The following HSD17B2 variants were observed in gnomAD, a reference collection of about 807,000 sequenced individuals.
HSD17B2 encodes the protein hydroxysteroid 17-beta dehydrogenase 2.
A neutral mutation model predicts 26.9 loss-of-function variants in HSD17B2; 32 were observed. The observed-to-expected ratio is 1.19, with a 90% CI of 0.90 to 1.60. HSD17B2 has a LOEUF of 1.60. Ranked by LOEUF, HSD17B2 falls within the 40% of genes most tolerant of loss-of-function variation. HSD17B2 has a pLI of 0.00. For missense variants in HSD17B2, 613 were observed against 468.6 expected (o/e 1.31, Z -2.85); for synonymous variants, 246 against 186.7 (o/e 1.32, Z -2.59).
chr16:82,067,279 T>C (rs1914593473), intron 1 of HSD17B2, among the ~76,000 whole-genome samples: 1 of 152,228 alleles, frequency 6.6e-6, no homozygotes, highest in African/African-American at 2.4e-5. Context: ...CAATGTGAAA[T>C]ACTTTCTTAT....
At chr16:82,056,165 C>T (rs559993027) in intron 1 of HSD17B2, among the ~76,000 whole-genome samples, 34 of 152,124 alleles carry the variant, frequency 2.2e-4, no homozygotes, top group Non-Finnish European at 4.7e-4. Flanking sequence ...AGCCAGGAAG[C>T]ATCTTTCCCA....
chr16:82,059,475 C>T (rs193038362), intron 1 of HSD17B2, among the ~76,000 whole-genome samples: 50 of 152,264 alleles, frequency 3.3e-4, no homozygotes, highest in African/African-American at 1.0e-3. Context: ...CAGTGGATAC[C>T]GACCCCTATC....
At chr16:82,091,279 GA>G (rs1166658766) in intron 4 of HSD17B2, 16 of 541,496 alleles carry the variant, frequency 3.0e-5, no homozygotes, top group African/African-American at 2.7e-4. Flanking sequence ...AAACCAGGGA[GA>G]GGGGAAAGCA....
chr16:82,097,835 G>A (rs188850351), intron 4 of HSD17B2: 5 of 306,020 alleles, frequency 1.6e-5, no homozygotes, highest in African/African-American at 6.5e-5. Flanking sequence ...CTACTCGGGA[G>A]GCTGAGGCAA....
At chr16:82,041,560 G>C (rs909994387) in intron 1 of HSD17B2, among the ~76,000 whole-genome samples, 17 of 152,240 alleles carry the variant, frequency 1.1e-4, no homozygotes, top group African/African-American at 4.1e-4. Flanking sequence ...GCTTCCACCA[G>C]TCTGCTGAAA....
intron 1 of HSD17B2, among the ~76,000 whole-genome samples, chr16:82,064,086 G>C (rs1385041079): frequency 6.6e-6 from 1 of 152,190 alleles, no homozygotes; most frequent in Non-Finnish European, 1.5e-5. Flanking sequence ...CAGTATCACA[G>C]GGCTTGCCTA....
At chr16:82,093,991 G>C (rs1041213172) in intron 4 of HSD17B2, 4 of 152,202 alleles carry the variant, frequency 2.6e-5, no homozygotes, top group African/African-American at 4.8e-5. Context: ...GCATGCTAAT[G>C]CATTATAAGT....
chr16:82,074,877 A>T (rs1274961708), intron 3 of HSD17B2, among the ~76,000 whole-genome samples: 1 of 152,234 alleles, frequency 6.6e-6, no homozygotes. Flanking sequence ...AGAACACTTC[A>T]TCCAAAGGCT....
chr16:82,085,969 G>GA (rs749061488), intron 3 of HSD17B2, among the ~76,000 whole-genome samples: 4 of 151,498 alleles, frequency 2.6e-5, no homozygotes, highest in Non-Finnish European at 5.9e-5. Flanking sequence ...AAAACACACA[G>GA]AAAAAACACA....
intron 1 of HSD17B2, among the ~76,000 whole-genome samples, chr16:82,042,600 C>CTTATA (rs556099667): frequency 2.0e-5 from 3 of 151,994 alleles, no homozygotes; most frequent in African/African-American, 7.2e-5. Context: ...TGATTTCTTT[C>CTTATA]TTATATTATA....
intron 3 of HSD17B2, among the ~76,000 whole-genome samples, chr16:82,083,188 T>C (rs1198704669): frequency 6.6e-6 from 1 of 151,902 alleles, no homozygotes; most frequent in African/African-American, 2.4e-5. Flanking sequence ...GTTCCAGGAG[T>C]GGGATGGGGA....
rs376223660 is a variant in HSD17B2, at chr16:82,098,032, T to C, written c.803-43T>C. 3.9e-5 allele frequency: 61 copies of C among 1,569,218 alleles called. No individual in the cohort carries two copies. In the African/African-American group the frequency reaches 7.9e-4, roughly 20 times the overall value. On this transcript the variant is annotated intron_variant, in intron 4 of 4. Transcript: ENST00000199936. ...ACAAGCGCCTGCTCCCTGACTTCCT[T>C]GGCCTTCCCAGGATCTGACTCTTCC...
rs144659659 is a variant in HSD17B2, at chr16:82,071,085, A to G, written c.622A>G (p.Arg208Gly). 4 of 1,614,076 alleles carry G rather than the reference A, an allele frequency of 2.5e-6. No homozygotes were observed. The African/African-American group carries it at 5.3e-5, about 22-fold the overall frequency. ...EVTKTFLPLL[R>G]KSKGRLVNVS... Reference sequence around the variant, plus strand: ...CACAAAGACGTTTTTGCCTCTTCTTAGAAAATCCAAAGGGAGGCTGGTGAA... The same window carrying G: ...CACAAAGACGTTTTTGCCTCTTCTTGGAAAATCCAAAGGGAGGCTGGTGAA... The change falls in exon 3 of 5, where the codon AGA becomes GGA. Residue 208 changes from arginine (R) to glycine (G), a missense_variant. Transcript: ENST00000199936.
At chr16:82,040,736 T>C (rs1048185435) in intron 1 of HSD17B2, among the ~76,000 whole-genome samples, 1 of 152,244 alleles carries the variant, frequency 6.6e-6, no homozygotes, top group African/African-American at 2.4e-5. Flanking sequence ...TAGGGATGTT[T>C]GCAGAGGGTG....
At chr16:82,093,800 A>G (rs952626182) in intron 4 of HSD17B2, 2 of 152,166 alleles carry the variant, frequency 1.3e-5, no homozygotes, top group African/African-American at 4.8e-5. Context: ...GACTGAGTAT[A>G]CTTATAGTTA....
chr16:82,048,771 C>A (rs1354002970), intron 1 of HSD17B2, among the ~76,000 whole-genome samples: 1 of 152,148 alleles, frequency 6.6e-6, no homozygotes, highest in East Asian at 1.9e-4. Context: ...TATAGGAAAT[C>A]TTCAATTGTT....
At chr16:82,092,581 G>C (rs1263071178) in intron 4 of HSD17B2, 2 of 152,214 alleles carry the variant, frequency 1.3e-5, no homozygotes, top group South Asian at 2.1e-4. Context: ...TAAGGTTGCA[G>C]AGGGGGTGCA....
chr16:82,052,019 C>A (rs1292840675), intron 1 of HSD17B2, among the ~76,000 whole-genome samples: 1 of 152,268 alleles, frequency 6.6e-6, no homozygotes, highest in African/African-American at 2.4e-5. Context: ...TCACACTGTG[C>A]CGTCAGTGCC....
In HSD17B2 at chr16:82,064,343, A is replaced by G. The variant is rs1257247801; in HGVS notation, c.266-3827A>G. On this transcript the variant is annotated intron_variant, in intron 1 of 4. Transcript: ENST00000199936. The stretch of plus-strand genomic sequence containing the variant: ...ATGCTGTAGCAAGCATAGAAACTTC[A>G]TTCCTTTCTATGGCTTAATAATATC... 2.0e-5 allele frequency among the ~76,000 whole-genome samples: 3 copies of G among 152,180 alleles called. 1 individual carries two copies. Among genetic ancestry groups the G allele is most frequent in the Middle Eastern group, 6.3e-3 (2 of 316 alleles).
Sources: allele counts gnomAD v4.1 joint callset (sites outside exome capture counted in the v4.1 genomes callset), GRCh38; gene constraint gnomAD v4.1.1; transcripts MANE v1.5; gene names NCBI Gene and HGNC (gene_info 2026-07-23, HGNC 2026-07-21).